The following PDE1B variants were observed in gnomAD, a reference collection of about 807,000 sequenced individuals.
The protein encoded by PDE1B is dual specificity calcium/calmodulin-dependent 3',5'-cyclic nucleotide phosphodiesterase 1B.
A neutral mutation model predicts 66.7 loss-of-function variants in PDE1B; 13 were observed. The observed-to-expected ratio is 0.19, with a 90% CI of 0.13 to 0.31. The LOEUF (loss-of-function observed/expected upper bound fraction) is 0.31. PDE1B is among the 10% of genes least tolerant of loss of function. The probability of loss-of-function intolerance (pLI) is 1.00; values close to 1 mark genes in which losing one functional copy is unlikely to be tolerated. For missense variants in PDE1B, 485 were observed against 682.3 expected (o/e 0.71, Z 3.22); for synonymous variants, 230 against 253.9 (o/e 0.91, Z 0.90).
chr12:54,558,970 A>G (rs1260361625), intron 2 of PDE1B, among the ~76,000 whole-genome samples: 1 of 152,214 alleles, frequency 6.6e-6, no homozygotes, highest in Non-Finnish European at 1.5e-5. Flanking sequence ...TACCCATTTT[A>G]CAGACCAGGA....
At position 54,573,048 on chromosome 12, in the gene PDE1B, T is replaced by TGGAA. The variant is rs1957645327; in HGVS notation, c.736-97_736-94dup. On this transcript the variant is annotated intron_variant, in intron 7 of 15. Coordinates refer to ENST00000243052, the MANE Select transcript of PDE1B (RefSeq NM_000924.4). This position sits in a 1 kb window ranked among gnomAD's most constrained non-coding sequence, Gnocchi z 5.2. Reference sequence around the variant, plus strand: ...TTAACCAAGAGCTGGCCTGGAAGCATGGAAGGGATGGGATGAGTGATCTAG... The same window carrying TGGAA: ...TTAACCAAGAGCTGGCCTGGAAGCATGGAAGGAAGGGATGGGATGAGTGATCTAG... The TGGAA allele has an allele frequency of 3.3e-6, 3 of 897,666 alleles. No individual in the cohort carries two copies. The highest frequency in any genetic ancestry group is 5.5e-6 in the Non-Finnish European group (3 of 547,452). 55.6% of individuals were successfully genotyped at this position (897,666 alleles called of 1,614,324 possible).
chr12:54,561,761 C>CGTGTGTGT (rs3036634), intron 2 of PDE1B: 17 of 440,304 alleles, frequency 3.9e-5, no homozygotes, highest in Middle Eastern at 3.6e-4. Context: ...ATGTTTTGTG[C>CGTGTGTGT]GTGTGTGTGT....
chr12:54,549,636 G>T lies in PDE1B; in HGVS notation c.-150G>T. ...GGCGGCGGCGGTAGCGGCAGCAGCA[G>T]CGGCGGTGCGGAGAGCTTGGACTGG... is the stretch of plus-strand genomic sequence containing the variant. On this transcript the variant is annotated 5_prime_UTR_variant, in exon 1 of 16. Coordinates refer to ENST00000243052, the MANE Select transcript of PDE1B (RefSeq NM_000924.4). 2.1e-6 allele frequency: 1 copy of T among 475,646 alleles called. No individual in the cohort carries two copies. The allele number at this position is 475,646 out of a possible 1,614,324, so 29.5% of individuals were successfully genotyped here.
intron 3 of PDE1B, 84 bp downstream of exon 3, chr12:54,567,171 T>A: frequency 1.4e-6 from 1 of 692,286 alleles, no homozygotes; most frequent in South Asian, 1.7e-5. Context: ...GATAGACACA[T>A]GTGGCATGGA....
intron 2 of PDE1B, 51 bp downstream of exon 2, chr12:54,550,036 G>A (rs1471928938): frequency 1.3e-6 from 2 of 1,587,774 alleles, no homozygotes; most frequent in African/African-American, 1.3e-5. Flanking sequence ...GAGCCTGAGC[G>A]GGAGGAGGAG....
intron 2 of PDE1B, chr12:54,550,337 C>T (rs902104328): frequency 3.4e-4 from 263 of 774,870 alleles, no homozygotes; most frequent in Admixed American, 2.3e-3. Flanking sequence ...TATCCATGTG[C>T]AGAGTTGTGC....
At chr12:54,565,833 T>G (rs1317346276) in intron 2 of PDE1B, among the ~76,000 whole-genome samples, 1 of 152,152 alleles carries the variant, frequency 6.6e-6, no homozygotes, top group Non-Finnish European at 1.5e-5. Flanking sequence ...GGAACGCCAT[T>G]GTTCTCCCTC....
In PDE1B at chr12:54,551,029, GAA is replaced by G. The variant is rs1957270441; in HGVS notation, c.113+1046_113+1047del. On this transcript the variant is annotated intron_variant, in intron 2 of 15. Transcript: ENST00000243052. ...ATGAATCCATGGCCCCAGGAAAGAGGAAACAGATAGGAGACTATGGATGTTTA... is the reference window on the plus strand; with the variant it reads ...ATGAATCCATGGCCCCAGGAAAGAGGACAGATAGGAGACTATGGATGTTTA... Among the ~76,000 whole-genome samples the G allele has an allele frequency of 2.6e-5, 4 of 152,314 alleles. No individual in the cohort carries two copies. In the South Asian group the frequency reaches 8.3e-4, roughly 32 times the overall value.
At chr12:54,555,805 G>GCTCCCTTTTGCTCTT (rs1957335081) in intron 2 of PDE1B, among the ~76,000 whole-genome samples, 1 of 151,952 alleles carries the variant, frequency 6.6e-6, no homozygotes, top group Non-Finnish European at 1.5e-5. Context: ...TCGCTATGAG[G>GCTCCCTTTTGCTCTT]CTCCCTTTTG....
At chr12:54,555,281 C>T (rs984568748) in intron 2 of PDE1B, among the ~76,000 whole-genome samples, 1 of 152,174 alleles carries the variant, frequency 6.6e-6, no homozygotes, top group Non-Finnish European at 1.5e-5. Flanking sequence ...GACATTTATC[C>T]CAAGTCCCTA....
chr12:54,569,041 A>G lies in PDE1B; in HGVS notation c.228-143A>G. ...AGATGTTAGATAAAGAAATAAAAAG[A>G]TATAGAGAAAGAAAGGAAACAGGGT... On this transcript the variant is annotated intron_variant, in intron 3 of 15. Transcript: ENST00000243052. The surrounding 1 kb of genome is among the most constrained non-coding windows in gnomAD (Gnocchi z 4.4). 1 of 1,364,934 alleles carries G rather than the reference A, an allele frequency of 7.3e-7. No individual in the cohort carries two copies. Among genetic ancestry groups the G allele is most frequent in the Non-Finnish European group, 9.8e-7 (1 of 1,022,330 alleles). The allele number at this position is 1,364,934 out of a possible 1,614,324, so 84.6% of individuals were successfully genotyped here.
chr12:54,551,933 T>A (rs1488526942), intron 2 of PDE1B, among the ~76,000 whole-genome samples: 1 of 152,252 alleles, frequency 6.6e-6, no homozygotes, highest in African/African-American at 2.4e-5. Context: ...TTCAGCAGTC[T>A]GGTCCTTAAG....
intron 2 of PDE1B, among the ~76,000 whole-genome samples, chr12:54,550,947 C>A (rs532902682): frequency 2.6e-5 from 4 of 152,316 alleles, no homozygotes; most frequent in South Asian, 4.1e-4. Context: ...ATTGGGAAAT[C>A]TCCGCAGTCT....
At chr12:54,556,226 G>A (rs1957340340) in intron 2 of PDE1B, among the ~76,000 whole-genome samples, 1 of 152,194 alleles carries the variant, frequency 6.6e-6, no homozygotes, top group Admixed American at 6.5e-5. Context: ...TGGGGTGGAA[G>A]TGAGACAACT....
chr12:54,553,657 C>T (rs576225293), intron 2 of PDE1B, among the ~76,000 whole-genome samples: 24 of 152,104 alleles, frequency 1.6e-4, no homozygotes, highest in African/African-American at 5.8e-4. Flanking sequence ...TTCTGTGGTG[C>T]GTGTATACCT....
chr12:54,552,414 A>G (rs1159797174), intron 2 of PDE1B, among the ~76,000 whole-genome samples: 1 of 152,144 alleles, frequency 6.6e-6, no homozygotes, highest in Admixed American at 6.5e-5. Context: ...TGGCATATAT[A>G]CTTGTATGTA....
chr12:54,558,321 G>A (rs1209416205), intron 2 of PDE1B, among the ~76,000 whole-genome samples: 2 of 151,382 alleles, frequency 1.3e-5, no homozygotes, highest in African/African-American at 4.9e-5. Flanking sequence ...CTTCCCTAGG[G>A]CCTGCCCCAT....
chr12:54,553,533 T>C (rs917756266), intron 2 of PDE1B, among the ~76,000 whole-genome samples: 1 of 152,198 alleles, frequency 6.6e-6, no homozygotes, highest in African/African-American at 2.4e-5. Flanking sequence ...CATCAGAGTC[T>C]AGTGTGATAC....
chr12:54,576,391 G>A (rs1160104991), intron 13 of PDE1B, 180 bp from the exon 14 acceptor site: 2 of 661,388 alleles, frequency 3.0e-6, no homozygotes, highest in African/African-American at 3.6e-5. Context: ...ATGTGGAGAG[G>A]GAGGGGTGAA....
Sources: allele counts gnomAD v4.1 joint callset (sites outside exome capture counted in the v4.1 genomes callset), GRCh38; gene constraint gnomAD v4.1.1; non-coding constraint Gnocchi (gnomAD v3.1); transcripts MANE v1.5; gene names NCBI Gene and HGNC (gene_info 2026-07-23, HGNC 2026-07-21).